Variants in RAD23A observed in about 807,000 individuals in gnomAD.
RAD23A encodes the protein RAD23 nucleotide excision repair protein A.
A neutral mutation model predicts 44.8 loss-of-function variants in RAD23A; 16 were observed. The observed-to-expected ratio is 0.36, with a 90% CI of 0.24 to 0.54. The LOEUF is 0.54. RAD23A is among the 20% of genes least tolerant of loss of function. The pLI is 0.89. For synonymous variants in RAD23A, 217 were observed against 202.9 expected (o/e 1.07, Z -0.59); for missense variants, 380 against 483.3 (o/e 0.79, Z 2.00).
rs1179646783 is a variant in RAD23A, at chr19:12,948,458, C to T, written c.417-39C>T. ...CACACCTGGAGGGAGGGCAAGCCGC[C>T]AGAAGCCAGGGTCCGATTTCTCTCT... On this transcript the variant is annotated intron_variant, in intron 3 of 8. Coordinates refer to ENST00000586534, the MANE Select transcript of RAD23A (RefSeq NM_005053.4). The surrounding 1 kb of genome is among the most constrained non-coding windows in gnomAD (Gnocchi z 5.5). 2.6e-6 allele frequency: 4 copies of T among 1,554,026 alleles called. No homozygotes were observed. Among genetic ancestry groups the T allele is most frequent in the East Asian group, 2.3e-5 (1 of 44,392 alleles).
Position 12,952,924 on chromosome 19 carries a change from A to G in RAD23A, c.979-12A>G, listed in dbSNP as rs777276381. 6 of 1,613,470 alleles carry G rather than the reference A, an allele frequency of 3.7e-6. No individual in the cohort carries two copies. Among genetic ancestry groups the G allele is most frequent in the Admixed American group, 1.7e-5 (1 of 59,882 alleles). ...ACCCTCTCCTGCTCACACTTAACCT[A>G]TCTTCCCACAGTTGAAGGCCCTGGG... On this transcript the variant is annotated splice_polypyrimidine_tract_variant and intron_variant, in intron 8 of 8. Coordinates refer to ENST00000586534, the MANE Select transcript of RAD23A (RefSeq NM_005053.4).
At chr19:12,949,924 A>G (rs1971763226) in intron 7 of RAD23A, among the ~76,000 whole-genome samples, 1 of 151,392 alleles carries the variant, frequency 6.6e-6, no homozygotes, top group Admixed American at 6.6e-5. Flanking sequence ...TTCTCGGTGA[A>G]GTGCCTACCG....
At chr19:12,950,163 C>T (rs892023992) in intron 7 of RAD23A, among the ~76,000 whole-genome samples, 2 of 152,148 alleles carry the variant, frequency 1.3e-5, no homozygotes, top group East Asian at 1.9e-4. Context: ...GCTCCCTAGA[C>T]TAGACGTCTA....
chr19:12,949,086 T>C lies in RAD23A; in HGVS notation c.606T>C (p.Ile202=). The C allele has an allele frequency of 6.2e-7, 1 of 1,612,166 alleles. No individual in the cohort carries two copies. Among genetic ancestry groups the C allele is most frequent in the African/African-American group, 1.3e-5 (1 of 74,944 alleles). ...HRAVEYLLTG[I]PGSPEPEHGS... The stretch of plus-strand genomic sequence containing the variant: ...CTAAACAGGACCCCTGACAGGGAAT[T>C]CCTGGGAGCCCCGAGCCGGAACACG... The change falls in exon 6 of 9, where the codon ATT becomes ATC. Residue 202 remains isoleucine (I), a synonymous_variant. Coordinates refer to ENST00000586534, the MANE Select transcript of RAD23A (RefSeq NM_005053.4).
At chr19:12,950,296 C>T (rs1434489897) in intron 7 of RAD23A, among the ~76,000 whole-genome samples, 1 of 152,208 alleles carries the variant, frequency 6.6e-6, no homozygotes, top group Non-Finnish European at 1.5e-5. Flanking sequence ...TCTTCCCACT[C>T]AGCCCCTCCC....
chr19:12,947,391 A>G (rs2146031917), intron 1 of RAD23A, among the ~76,000 whole-genome samples: 2 of 152,354 alleles, frequency 1.3e-5, no homozygotes, highest in East Asian at 1.9e-4. Context: ...GTGCCACATC[A>G]ATCCAGCATG....
chr19:12,950,595 A>G (rs764348280), intron 7 of RAD23A, among the ~76,000 whole-genome samples: 11 of 151,704 alleles, frequency 7.3e-5, no homozygotes, highest in South Asian at 4.1e-4. Flanking sequence ...TAGAGATGGG[A>G]TTTCACCCTG....
At chr19:12,950,436 G>C (rs931181099) in intron 7 of RAD23A, among the ~76,000 whole-genome samples, 1 of 151,380 alleles carries the variant, frequency 6.6e-6, no homozygotes, top group South Asian at 2.1e-4. Context: ...AGGAAATCTC[G>C]CTCTGTCGCC....
rs1209334974 is a variant in RAD23A, at chr19:12,947,832, G to A, written c.73-16G>A. Reference sequence around the variant, plus strand: ...ATCTTGGGGTCTCCAGTGACTGTCTGTACCACTCCCTCTAGGTGAAGGTGC... The same window carrying A: ...ATCTTGGGGTCTCCAGTGACTGTCTATACCACTCCCTCTAGGTGAAGGTGC... On this transcript the variant is annotated splice_polypyrimidine_tract_variant and intron_variant, in intron 1 of 8. Coordinates refer to ENST00000586534, the MANE Select transcript of RAD23A (RefSeq NM_005053.4). 6.2e-7 allele frequency: 1 copy of A among 1,612,422 alleles called. No individual in the cohort carries two copies. The highest frequency in any genetic ancestry group is 8.5e-7 in the Non-Finnish European group (1 of 1,179,632).
At position 12,948,077 on chromosome 19, in the gene RAD23A, C is replaced by T; in HGVS notation, c.234+68C>T. ...GGGAGCTGGCAAAGAGCCTGTGTGC[C>T]CAGGAGAGATTAGCTGTGAACAGGG... On this transcript the variant is annotated intron_variant, in intron 2 of 8. Coordinates refer to ENST00000586534, the MANE Select transcript of RAD23A (RefSeq NM_005053.4). The surrounding 1 kb of genome is among the most constrained non-coding windows in gnomAD (Gnocchi z 5.5). The T allele has an allele frequency of 6.2e-7, 1 of 1,607,586 alleles. No individual in the cohort carries two copies. Among genetic ancestry groups the T allele is most frequent in the Non-Finnish European group, 8.5e-7 (1 of 1,176,430 alleles).
rs1340647073 is a variant in RAD23A, at chr19:12,947,828, G to C, written c.73-20G>C. 6.2e-7 allele frequency: 1 copy of C among 1,612,190 alleles called. No individual in the cohort carries two copies. The highest frequency in any genetic ancestry group is 8.5e-7 in the Non-Finnish European group (1 of 1,179,568). On this transcript the variant is annotated intron_variant, in intron 1 of 8. Coordinates refer to ENST00000586534, the MANE Select transcript of RAD23A (RefSeq NM_005053.4). Reference sequence around the variant, plus strand: ...GAGAATCTTGGGGTCTCCAGTGACTGTCTGTACCACTCCCTCTAGGTGAAG... The same window carrying C: ...GAGAATCTTGGGGTCTCCAGTGACTCTCTGTACCACTCCCTCTAGGTGAAG...
At position 12,948,505 on chromosome 19, in the gene RAD23A, C is replaced by T. The variant is rs1306029963; in HGVS notation, c.425C>T (p.Pro142Leu). 6.3e-7 allele frequency: 1 copy of T among 1,592,186 alleles called. No homozygotes were observed. Among genetic ancestry groups the T allele is most frequent in the South Asian group, 1.1e-5 (1 of 88,556 alleles). Residue 142 changes from proline to leucine, a missense_variant, in exon 4 of 9, where the codon CCC becomes CTC. By Grantham distance (98) the Pro-to-Leu change is moderately conservative. Around this residue, in one of 3 missense-constraint regions of RAD23A, gnomAD observed 279 missense variants for 313.7 expected, o/e 0.89. Coordinates refer to ENST00000586534, the MANE Select transcript of RAD23A (RefSeq NM_005053.4). This position sits in a 1 kb window ranked among gnomAD's most constrained non-coding sequence, Gnocchi z 5.5. ...TSPESVSGSVPSSGSSGREED... is the reference protein window; with the variant it reads ...TSPESVSGSVLSSGSSGREED... ...CTCTCTTGAATTTGCAGCTCTGTTC[C>T]CTCTTCAGGTAGCAGCGGGCGAGAG... is the stretch of plus-strand genomic sequence containing the variant.
Position 12,952,859 on chromosome 19 carries a change from A to G in RAD23A, c.978+6A>G. On this transcript the variant is annotated splice_donor_region_variant and intron_variant, in intron 8 of 8. Coordinates refer to ENST00000586534, the MANE Select transcript of RAD23A (RefSeq NM_005053.4). The stretch of plus-strand genomic sequence containing the variant: ...AGAAAGAAGCTATAGAGAGGGTAAG[A>G]GGCCTGGCTGAGGGGTGACTGCAGG... 4 of 1,603,282 alleles carry G rather than the reference A, an allele frequency of 2.5e-6. No individual in the cohort carries two copies. Among genetic ancestry groups the G allele is most frequent in the Non-Finnish European group, 3.4e-6 (4 of 1,173,510 alleles).
Position 12,950,168 on chromosome 19 carries a change from C to T in RAD23A, c.813+760C>T, listed in dbSNP as rs535282023. 2.6e-5 allele frequency among the ~76,000 whole-genome samples: 4 copies of T among 152,242 alleles called. No individual in the cohort carries two copies. In the East Asian group the frequency reaches 5.8e-4, roughly 22 times the overall value. ...CCATCAAAGTGCTCCCTAGACTAGA[C>T]GTCTAAGACTTAGAACAGACCTCCC... On this transcript the variant is annotated intron_variant, in intron 7 of 8. Coordinates refer to ENST00000586534, the MANE Select transcript of RAD23A (RefSeq NM_005053.4).
Position 12,948,194 on chromosome 19 carries a change from T to A in RAD23A, c.252T>A (p.Gly84=). The A allele has an allele frequency of 6.2e-7, 1 of 1,613,930 alleles. No individual in the cohort carries two copies. Among genetic ancestry groups the A allele is most frequent in the Non-Finnish European group, 8.5e-7 (1 of 1,179,976 alleles). ...VMVTKTKAGQ[G]TSAPPEASPT... ...TGTTGCAGACCAAAGCCGGCCAGGG[T>A]ACCTCAGCACCCCCAGAGGCCTCAC... The change falls in exon 3 of 9, where the codon GGT becomes GGA. Residue 84 remains glycine, a synonymous_variant. Transcript: ENST00000586534. The surrounding 1 kb of genome is among the most constrained non-coding windows in gnomAD (Gnocchi z 5.5).
chr19:12,950,474 G>A (rs763142352), intron 7 of RAD23A, among the ~76,000 whole-genome samples: 3 of 151,744 alleles, frequency 2.0e-5, no homozygotes, highest in African/African-American at 7.3e-5. Flanking sequence ...GCGCAATCCC[G>A]GCTCACTGCA....
intron 1 of RAD23A, among the ~76,000 whole-genome samples, chr19:12,947,348 C>G (rs1971697192): frequency 2.0e-5 from 3 of 152,124 alleles, no homozygotes; most frequent in Non-Finnish European, 4.4e-5. Flanking sequence ...ACCAGTTGAG[C>G]CCAGGAGTTT....
At chr19:12,949,013 C>G in intron 5 of RAD23A, 68 bp from the exon 6 acceptor site, 2 of 1,567,162 alleles carry the variant, frequency 1.3e-6, no homozygotes. Context: ...CATCTGTGTC[C>G]TGCCAGGGCA....
Position 12,949,065 on chromosome 19 carries a change from A to C in RAD23A, c.601-16A>C, listed in dbSNP as rs1971738038. The C allele has an allele frequency of 6.2e-7, 1 of 1,607,678 alleles. No individual in the cohort carries two copies. The highest frequency in any genetic ancestry group is 1.7e-5 in the Admixed American group (1 of 58,978). ...CAGGAGGTCTGTGCATTAGAACTAA[A>C]CAGGACCCCTGACAGGGAATTCCTG... On this transcript the variant is annotated splice_polypyrimidine_tract_variant and intron_variant, in intron 5 of 8. Coordinates refer to ENST00000586534, the MANE Select transcript of RAD23A (RefSeq NM_005053.4).
Sources: allele counts gnomAD v4.1 joint callset (sites outside exome capture counted in the v4.1 genomes callset), GRCh38; gene constraint gnomAD v4.1.1; regional missense constraint gnomAD v4.1.1; non-coding constraint Gnocchi (gnomAD v3.1); transcripts MANE v1.5; gene names NCBI Gene and HGNC (gene_info 2026-07-23, HGNC 2026-07-21).